The following LMBR1 variants were observed in gnomAD, a reference collection of about 807,000 sequenced individuals.
LMBR1 encodes limb development membrane protein 1.
A neutral mutation model predicts 73.9 loss-of-function variants in LMBR1; 52 were observed. The observed-to-expected ratio is 0.70, with a 90% confidence interval of 0.56 to 0.89. The LOEUF (loss-of-function observed/expected upper bound fraction) is 0.89, where lower values mean the gene tolerates loss of function less well. LMBR1 is among the 40% of genes least tolerant of loss of function. The probability of loss-of-function intolerance (pLI) is 0.00; values close to 1 mark genes in which losing one functional copy is unlikely to be tolerated. For synonymous variants in LMBR1, 215 were observed against 209.4 expected, an observed-to-expected ratio of 1.03 and a Z score of -0.23; for missense variants, 539 against 579.8, an observed-to-expected ratio of 0.93 and a Z score of 0.72.
chr7:156,779,341 A>T (rs1295391555), intron 5 of LMBR1, among the ~76,000 whole-genome samples: 1 of 152,188 alleles, frequency 6.6e-6, no homozygotes, highest in African/African-American at 2.4e-5. Flanking sequence ...TAGAAACACC[A>T]CTGAAATTAA....
At chr7:156,855,230 A>G (rs377657372) in intron 1 of LMBR1, among the ~76,000 whole-genome samples, 225 of 152,342 alleles carry the variant, frequency 1.5e-3, no homozygotes, top group African/African-American at 5.1e-3. Context: ...TAATTTTTTT[A>G]AATGGGAGAA....
intron 15 of LMBR1, among the ~76,000 whole-genome samples, chr7:156,719,836 C>CA (rs1189867240): frequency 6.6e-6 from 1 of 152,034 alleles, no homozygotes; most frequent in Non-Finnish European, 1.5e-5. Context: ...ACAAACCTGA[C>CA]AAAAACAAGA....
intron 5 of LMBR1, among the ~76,000 whole-genome samples, chr7:156,773,386 G>A (rs1373374144): frequency 6.6e-6 from 1 of 152,036 alleles, no homozygotes; most frequent in Non-Finnish European, 1.5e-5. Context: ...TATAGTCAAA[G>A]CAATCCTAAG....
rs537441320 is a variant in LMBR1, at chr7:156,835,458, G to C, written c.139+1355C>G. ...GCCTATAATCCCAGCACTTTAGGAA[G>C]TCAAGGCAGGCAGATTATCTGAGGT... On this transcript the variant is annotated intron_variant, in intron 2 of 16. Coordinates refer to ENST00000353442, the MANE Select transcript of LMBR1 (RefSeq NM_022458.4). Among the ~76,000 whole-genome samples the C allele has an allele frequency of 9.8e-5, 15 of 152,322 alleles. No individual in the cohort carries two copies. In the South Asian group the frequency reaches 3.1e-3, roughly 32 times the overall value.
chr7:156,703,877 G>A (rs1810331680), intron 15 of LMBR1, among the ~76,000 whole-genome samples: 1 of 152,122 alleles, frequency 6.6e-6, no homozygotes, highest in Non-Finnish European at 1.5e-5. Flanking sequence ...ATGGAAAAGA[G>A]GCTGGGCACA....
intron 9 of LMBR1, among the ~76,000 whole-genome samples, chr7:156,736,898 C>G (rs569600821): frequency 2.4e-4 from 36 of 152,286 alleles, no homozygotes; most frequent in African/African-American, 7.9e-4. Flanking sequence ...TTTATTTTCT[C>G]CTGGTTTTTC....
rs1434332550 is a variant in LMBR1 at position 156,698,003 on chromosome 7, C to A, written c.1226-9812G>T. Among the ~76,000 whole-genome samples, 4 of 152,232 alleles carry A rather than the reference C, an allele frequency of 2.6e-5. No homozygotes were observed. The East Asian group carries it at 7.7e-4, about 29-fold the overall frequency. On this transcript the variant is annotated intron_variant, in intron 15 of 16. Transcript: ENST00000353442. ...CAGTCCCTCCATTCGTGGTCCGTGA[C>A]TTCCCGCAACAGGGATACAGGCATT...
At chr7:156,837,748 T>C (rs1837916259) in intron 1 of LMBR1, among the ~76,000 whole-genome samples, 1 of 151,866 alleles carries the variant, frequency 6.6e-6, no homozygotes, top group Non-Finnish European at 1.5e-5. Context: ...AGAAAAGACT[T>C]CTTTAAGATA....
intron 1 of LMBR1, among the ~76,000 whole-genome samples, chr7:156,857,692 A>G (rs1797161917): frequency 6.6e-6 from 1 of 152,224 alleles, no homozygotes; most frequent in Non-Finnish European, 1.5e-5. Context: ...TCACTAAGAC[A>G]TATCATATTC....
chr7:156,855,631 C>T (rs1796837196), intron 1 of LMBR1, among the ~76,000 whole-genome samples: 1 of 143,398 alleles, frequency 7.0e-6, no homozygotes, highest in African/African-American at 2.6e-5. Context: ...CCTAACAGAT[C>T]CAGAAAGCTC....
chr7:156,687,514 A>G (rs934843131), intron 16 of LMBR1, among the ~76,000 whole-genome samples: 8 of 152,228 alleles, frequency 5.3e-5, no homozygotes, highest in African/African-American at 1.7e-4. Flanking sequence ...CTTGGAACAC[A>G]TAACAGTAAA....
At chr7:156,741,271 A>C (rs569390148) in intron 9 of LMBR1, among the ~76,000 whole-genome samples, 1 of 152,184 alleles carries the variant, frequency 6.6e-6, no homozygotes, top group African/African-American at 2.4e-5. Context: ...CCAGAAAAGA[A>C]GTAACAAAAT....
chr7:156,816,531 G>C (rs1189859572), intron 4 of LMBR1, among the ~76,000 whole-genome samples: 2 of 152,170 alleles, frequency 1.3e-5, no homozygotes, highest in African/African-American at 2.4e-5. Flanking sequence ...CAAGAAATTA[G>C]ATGCCTGTTT....
At chr7:156,691,448 A>G (rs1807152965) in intron 15 of LMBR1, among the ~76,000 whole-genome samples, 1 of 152,222 alleles carries the variant, frequency 6.6e-6, no homozygotes, top group Admixed American at 6.5e-5. Flanking sequence ...AAGAATTAAC[A>G]TACAGAATAA....
Position 156,810,637 on chromosome 7 carries a change from C to T in LMBR1, c.320-14145G>A, listed in dbSNP as rs531629421. Among the ~76,000 whole-genome samples the T allele has an allele frequency of 3.9e-5, 6 of 151,976 alleles. No individual in the cohort carries two copies. In the East Asian group the frequency reaches 9.8e-4, roughly 25 times the overall value. ...CAAACTCCTGACCTCAAGTGATCCA[C>T]CCACCCAGGCTTCCCAAAGTGCTGG... On this transcript the variant is annotated intron_variant, in intron 4 of 16. Transcript: ENST00000353442.
intron 15 of LMBR1, among the ~76,000 whole-genome samples, chr7:156,715,015 G>C (rs868402708): frequency 8.0e-5 from 12 of 150,328 alleles, no homozygotes; most frequent in Middle Eastern, 6.9e-3. Flanking sequence ...GCAGTGGCAC[G>C]ATCTCAGGTC....
chr7:156,762,338 G>A, intron 7 of LMBR1, 140 bp from the exon 8 acceptor site: 2 of 611,304 alleles, frequency 3.3e-6, no homozygotes, highest in East Asian at 2.7e-5. Context: ...GAGATTGTCA[G>A]TGTTTTGTCA....
chr7:156,814,606 C>T (rs1833613561), intron 4 of LMBR1, among the ~76,000 whole-genome samples: 2 of 152,200 alleles, frequency 1.3e-5, no homozygotes, highest in South Asian at 4.1e-4. Context: ...GGTATTCACA[C>T]AATTTGTGAT....
chr7:156,790,153 G>A (rs554919682), intron 5 of LMBR1, among the ~76,000 whole-genome samples: 1 of 152,172 alleles, frequency 6.6e-6, no homozygotes, highest in East Asian at 1.9e-4. Context: ...AATAAAAGCT[G>A]AATATGTCAA....
Sources: allele counts gnomAD v4.1 joint callset (sites outside exome capture counted in the v4.1 genomes callset), GRCh38; gene constraint gnomAD v4.1.1; transcripts MANE v1.5; gene names NCBI Gene and HGNC (gene_info 2026-07-23, HGNC 2026-07-21).